The following ZNRF3 variants were observed in gnomAD, a reference collection of about 807,000 sequenced individuals.
The protein encoded by ZNRF3 is E3 ubiquitin-protein ligase ZNRF3.
A neutral mutation model predicts 72.5 loss-of-function variants in ZNRF3; 23 were observed. That is an observed-to-expected ratio of 0.32 (90% CI 0.23 to 0.45). The LOEUF (loss-of-function observed/expected upper bound fraction) is 0.45, where lower values mean the gene tolerates loss of function less well. Among genes scored for constraint, ZNRF3 ranks in the 20% least tolerant of loss-of-function variants. The pLI is 1.00. For missense variants in ZNRF3, 1,169 were observed against 1,272.1 expected, an observed-to-expected ratio of 0.92 and a Z score of 1.23; for synonymous variants, 610 against 545.3, an observed-to-expected ratio of 1.12 and a Z score of -1.65.
intron 2 of ZNRF3, among the ~76,000 whole-genome samples, chr22:29,003,509 G>T (rs1217033215): frequency 7.3e-6 from 1 of 136,090 alleles, no homozygotes; most frequent in Non-Finnish European, 1.5e-5. Flanking sequence ...GCAAGACTCC[G>T]ACTCAAAAAA....
At chr22:28,949,253 C>T (rs2035110488) in intron 1 of ZNRF3, among the ~76,000 whole-genome samples, 1 of 151,882 alleles carries the variant, frequency 6.6e-6, no homozygotes, top group South Asian at 2.1e-4. Flanking sequence ...GCTGGGATTA[C>T]AGGTGTGAGC....
intron 3 of ZNRF3, 44 bp from the exon 4 acceptor site, chr22:29,043,255 A>G: frequency 6.3e-7 from 1 of 1,599,210 alleles, no homozygotes; most frequent in Non-Finnish European, 8.5e-7. Context: ...ACTGCTTCTT[A>G]AAGTAAGCGC....
At chr22:29,020,776 GGTGTGTGTGTGTGT>G (rs3037492) in intron 2 of ZNRF3, among the ~76,000 whole-genome samples, 18 of 86,156 alleles carry the variant, frequency 2.1e-4, no homozygotes, top group African/African-American at 4.9e-4. Context: ...TGTGTGTGTG[GGTGTGTGTGTGTGT>G]GTGTGTGTGT....
chr22:29,006,270 A>G (rs2036243723), intron 2 of ZNRF3, among the ~76,000 whole-genome samples: 1 of 135,556 alleles, frequency 7.4e-6, no homozygotes, highest in Non-Finnish European at 1.5e-5. Flanking sequence ...CTACCGTGCA[A>G]TGGCACAATC....
chr22:28,909,592 TA>T (rs1210214249), intron 1 of ZNRF3, among the ~76,000 whole-genome samples: 1 of 152,086 alleles, frequency 6.6e-6, no homozygotes, highest in Non-Finnish European at 1.5e-5. Context: ...TCCTCATTCA[TA>T]AAATGAATCA....
At chr22:28,980,330 A>G (rs566271191) in intron 1 of ZNRF3, among the ~76,000 whole-genome samples, 7 of 152,350 alleles carry the variant, frequency 4.6e-5, no homozygotes, top group African/African-American at 1.7e-4. Flanking sequence ...ACTAAACAAT[A>G]TAGCCATGTA....
chr22:28,954,285 C>T (rs1483597059), intron 1 of ZNRF3, among the ~76,000 whole-genome samples: 1 of 152,170 alleles, frequency 6.6e-6, no homozygotes, highest in East Asian at 1.9e-4. Context: ...TGAGGGCCCT[C>T]TTCCTGGCTC....
intron 1 of ZNRF3, among the ~76,000 whole-genome samples, chr22:28,929,831 AT>A (rs2034673359): frequency 6.6e-6 from 1 of 152,226 alleles, no homozygotes; most frequent in African/African-American, 2.4e-5. Context: ...AAAAAGAATC[AT>A]CTTAAGTTTT....
At chr22:28,995,340 A>G (rs1347152837) in intron 2 of ZNRF3, among the ~76,000 whole-genome samples, 1 of 152,214 alleles carries the variant, frequency 6.6e-6, no homozygotes, top group Non-Finnish European at 1.5e-5. Flanking sequence ...AGGCTGAGGC[A>G]GGAGAATGGC....
chr22:28,986,828 A>C (rs1373133293), intron 1 of ZNRF3, among the ~76,000 whole-genome samples: 2 of 152,150 alleles, frequency 1.3e-5, no homozygotes, highest in Non-Finnish European at 2.9e-5. Context: ...TCCACCTTGG[A>C]TCACCATCAC....
At chr22:28,907,942 A>G (rs919680253) in intron 1 of ZNRF3, among the ~76,000 whole-genome samples, 1 of 152,258 alleles carries the variant, frequency 6.6e-6, no homozygotes, top group Non-Finnish European at 1.5e-5. Flanking sequence ...TTAGCAAGCA[A>G]GCTTTCAGAG....
chr22:28,900,314 G>A (rs1472507379), intron 1 of ZNRF3, among the ~76,000 whole-genome samples: 1 of 152,232 alleles, frequency 6.6e-6, no homozygotes, highest in Non-Finnish European at 1.5e-5. Flanking sequence ...TGGGATGTTA[G>A]GGTGCCCTGC....
chr22:28,953,355 A>G (rs1263791931), intron 1 of ZNRF3, among the ~76,000 whole-genome samples: 1 of 152,218 alleles, frequency 6.6e-6, no homozygotes, highest in African/African-American at 2.4e-5. Context: ...CCAGCCCCTC[A>G]GCCACTGCTT....
At chr22:28,937,197 ATATATATATATATATATAT>A (rs1389560907) in intron 1 of ZNRF3, among the ~76,000 whole-genome samples, 2 of 47,028 alleles carry the variant, frequency 4.3e-5, no homozygotes, top group African/African-American at 3.5e-4. Flanking sequence ...ATATATATAT[ATATATATATATATATATAT>A]TTTTTTTTTT....
chr22:28,988,528 A>G (rs2035896424), intron 2 of ZNRF3, among the ~76,000 whole-genome samples: 1 of 152,158 alleles, frequency 6.6e-6, no homozygotes, highest in South Asian at 2.1e-4. Context: ...GGAAAAAATA[A>G]CCCCACAGGA....
At chr22:29,037,629 C>T (rs532138931) in intron 2 of ZNRF3, among the ~76,000 whole-genome samples, 23 of 152,256 alleles carry the variant, frequency 1.5e-4, no homozygotes, top group Non-Finnish European at 2.8e-4. Context: ...ATTTTAAGGG[C>T]GCAAGTGTTT....
intron 2 of ZNRF3, among the ~76,000 whole-genome samples, chr22:28,989,170 C>G (rs770288313): frequency 6.6e-6 from 1 of 152,202 alleles, no homozygotes; most frequent in African/African-American, 2.4e-5. Flanking sequence ...CAGCAGCCCC[C>G]ACGTTTCTCT....
At chr22:29,018,048 A>G (rs2123857614) in intron 2 of ZNRF3, 1 of 519,076 alleles carries the variant, frequency 1.9e-6, no homozygotes, top group African/African-American at 1.9e-5. Context: ...TGGGTGGAGC[A>G]TCTGGTGCTT....
chr22:28,969,081 G>A (rs1278211481), intron 1 of ZNRF3, among the ~76,000 whole-genome samples: 1 of 152,166 alleles, frequency 6.6e-6, no homozygotes, highest in East Asian at 1.9e-4. Context: ...AGGCTTCACT[G>A]TGAGCTGTAA....
Sources: gnomAD v4.1 joint callset for allele counts (sites outside exome capture counted in the v4.1 genomes callset) on GRCh38, gnomAD v4.1.1 for gene constraint, MANE v1.5 for transcripts, NCBI Gene and HGNC (gene_info 2026-07-23, HGNC 2026-07-21) for gene names.